DSCAM: variants seen among roughly 807,000 people sequenced by gnomAD.
DSCAM encodes cell adhesion molecule DSCAM.
Under a neutral mutation model 217.7 loss-of-function variants are expected in DSCAM, and 47 were observed. The observed-to-expected ratio is 0.22, with a 90% confidence interval of 0.17 to 0.28. The LOEUF (loss-of-function observed/expected upper bound fraction) is 0.28, where lower values mean the gene tolerates loss of function less well. Ranked by LOEUF, DSCAM falls within the 10% of genes least tolerant of loss-of-function variation. The pLI is 1.00. For missense variants in DSCAM, 2,080 were observed against 2,618.3 expected (o/e 0.79, Z 4.49); for synonymous variants, 1,056 against 1,015.3 (o/e 1.04, Z -0.76).
At chr21:40,673,469 T>A (rs1433976126) in intron 3 of DSCAM, among the ~76,000 whole-genome samples, 1 of 152,204 alleles carries the variant, frequency 6.6e-6, no homozygotes, top group East Asian at 1.9e-4. Flanking sequence ...TTAAACAACC[T>A]CAATTTTATG....
intron 9 of DSCAM, among the ~76,000 whole-genome samples, chr21:40,311,668 A>C (rs574704512): frequency 1.1e-4 from 17 of 152,208 alleles, no homozygotes; most frequent in Non-Finnish European, 1.9e-4. Flanking sequence ...CTTTAGAAAA[A>C]CTTTGATACA....
At chr21:40,214,409 A>C (rs1031044051) in intron 11 of DSCAM, among the ~76,000 whole-genome samples, 1 of 152,112 alleles carries the variant, frequency 6.6e-6, no homozygotes, top group Non-Finnish European at 1.5e-5. Context: ...TAATATTTAC[A>C]TTGGGTTTTT....
chr21:40,052,029 G>A lies in DSCAM; in HGVS notation c.5114C>T (p.Thr1705Met), dbSNP rs772835544. The change falls in exon 30 of 33, where the codon ACG (threonine) becomes ATG (methionine). Residue 1705 changes from threonine to methionine, a missense_variant. This residue lies in a region of DSCAM where 1,144 missense variants were observed against 1,421.1 expected (regional missense o/e 0.81). Transcript: ENST00000400454. ...AKQKSLTVTH[T>M]VHYQSVSQAT... ...CTGAGACACCGATTGGTAATGGACC[G>A]TGTGAGTGACCGTCAGGGACTTCTG... The A allele has an allele frequency of 1.4e-5, 22 of 1,614,056 alleles. No homozygotes were observed. Among genetic ancestry groups the A allele is most frequent in the East Asian group, 4.5e-5 (2 of 44,896 alleles).
intron 3 of DSCAM, among the ~76,000 whole-genome samples, chr21:40,637,368 A>AATATATATAAATATAAATATAT (rs2089794732): frequency 3.7e-5 from 1 of 27,156 alleles, no homozygotes; most frequent in African/African-American, 1.3e-4. Context: ...TATATATATA[A>AATATATATAAATATAAATATAT]ATATATATAA....
At chr21:40,624,326 G>T (rs1201706442) in intron 3 of DSCAM, among the ~76,000 whole-genome samples, 1 of 152,150 alleles carries the variant, frequency 6.6e-6, no homozygotes, top group Non-Finnish European at 1.5e-5. Flanking sequence ...AAAGCTCAGA[G>T]ACAGAAAGAT....
chr21:40,135,051 C>T (rs1165816084), intron 18 of DSCAM, among the ~76,000 whole-genome samples: 4 of 152,192 alleles, frequency 2.6e-5, no homozygotes, highest in Non-Finnish European at 2.9e-5. Context: ...AGAAAACTTA[C>T]GAATGTTGTG....
chr21:40,277,848 G>A (rs1169152153), intron 10 of DSCAM, among the ~76,000 whole-genome samples: 9 of 141,854 alleles, frequency 6.3e-5, no homozygotes, highest in African/African-American at 1.8e-4. Flanking sequence ...CAGCCTGGGC[G>A]ACAGAGTGAG....
rs951735135 is a variant in DSCAM at position 40,011,612 on chromosome 21, C to A, written c.*1422G>T. On this transcript the variant is annotated 3_prime_UTR_variant, in exon 33 of 33. Transcript: ENST00000400454. ...GCCAGGGGAGGATTACATCCTCTTT[C>A]ATAAAGCAAACCCTGTGAGGGTTGT... is the stretch of plus-strand genomic sequence containing the variant. 11 of 127,494 alleles carry A rather than the reference C, an allele frequency of 8.6e-5. No homozygotes were observed. The highest frequency in any genetic ancestry group is 2.7e-4 in the African/African-American group (9 of 33,798). 7.9% of individuals were successfully genotyped at this position (127,494 alleles called of 1,614,324 possible).
chr21:40,069,207 T>C (rs966965441), intron 27 of DSCAM, among the ~76,000 whole-genome samples: 3 of 152,118 alleles, frequency 2.0e-5, no homozygotes, highest in African/African-American at 7.2e-5. Flanking sequence ...AGTGAAGTAC[T>C]ATGGAGAAGA....
intron 3 of DSCAM, among the ~76,000 whole-genome samples, chr21:40,636,821 C>T (rs1234439943): frequency 1.4e-5 from 2 of 147,554 alleles, no homozygotes; most frequent in Admixed American, 1.4e-4. Context: ...TGAGGATATG[C>T]TCCCTCAAAA....
intron 7 of DSCAM, 48 bp from the exon 8 acceptor site, chr21:40,338,424 C>T (rs1372205179): frequency 9.6e-6 from 15 of 1,563,998 alleles, no homozygotes; most frequent in African/African-American, 2.7e-5. Context: ...GGGTACATCT[C>T]ATGTAGGGAA....
chr21:40,781,992 C>CAAAAAAAAAAAA (rs57750960), intron 1 of DSCAM, among the ~76,000 whole-genome samples: 1,149 of 102,516 alleles, frequency 0.011, no homozygotes, highest in Middle Eastern at 0.015. Context: ...ACTAAAAATA[C>CAAAAAAAAAAAA]AAAAAAAAAA....
chr21:40,253,741 C>T (rs748329596), intron 11 of DSCAM, among the ~76,000 whole-genome samples: 14 of 152,220 alleles, frequency 9.2e-5, no homozygotes, highest in Non-Finnish European at 1.5e-4. Context: ...TGGGTACGCC[C>T]GGAGGGCGGC....
At chr21:40,633,509 C>T (rs1216530649) in intron 3 of DSCAM, among the ~76,000 whole-genome samples, 1 of 152,150 alleles carries the variant, frequency 6.6e-6, no homozygotes, top group Non-Finnish European at 1.5e-5. Context: ...AAAATATGTA[C>T]AAATTTAAAA....
intron 2 of DSCAM, among the ~76,000 whole-genome samples, chr21:40,702,844 T>C (rs907433163): frequency 2.0e-5 from 3 of 152,198 alleles, no homozygotes; most frequent in Non-Finnish European, 2.9e-5. Flanking sequence ...TCACCATCTA[T>C]ATTCAGGTGA....
intron 11 of DSCAM, among the ~76,000 whole-genome samples, chr21:40,246,503 T>C (rs1055736581): frequency 6.7e-6 from 1 of 149,048 alleles, no homozygotes; most frequent in East Asian, 2.0e-4. Flanking sequence ...ATCTCGCCAC[T>C]GCACTCCAGC....
intron 3 of DSCAM, among the ~76,000 whole-genome samples, chr21:40,667,888 G>A (rs2090222552): frequency 6.6e-6 from 1 of 152,164 alleles, no homozygotes; most frequent in East Asian, 1.9e-4. Flanking sequence ...AACAGTGTGA[G>A]AATGGACTAA....
chr21:40,835,424 C>T (rs2092048558), intron 1 of DSCAM, among the ~76,000 whole-genome samples: 2 of 152,134 alleles, frequency 1.3e-5, no homozygotes. Flanking sequence ...ATGCCCCCAC[C>T]CCCTTTTAAA....
At chr21:40,419,390 C>T (rs1322469269) in intron 3 of DSCAM, among the ~76,000 whole-genome samples, 2 of 152,114 alleles carry the variant, frequency 1.3e-5, no homozygotes, top group East Asian at 3.9e-4. Flanking sequence ...AATTCTGAAA[C>T]ATATATCAAA....
Sources: allele counts gnomAD v4.1 joint callset (sites outside exome capture counted in the v4.1 genomes callset), GRCh38; gene constraint gnomAD v4.1.1; regional missense constraint gnomAD v4.1.1; transcripts MANE v1.5; gene names NCBI Gene and HGNC (gene_info 2026-07-23, HGNC 2026-07-21).